Variants in NTNG2 observed in about 807,000 individuals in gnomAD.
The protein encoded by NTNG2 is netrin-G2.
Under a neutral mutation model 47.6 loss-of-function variants are expected in NTNG2, and 15 were observed. The ratio of observed to expected loss-of-function variants is 0.32; its 90% CI spans 0.21 to 0.49. The LOEUF (loss-of-function observed/expected upper bound fraction) is 0.49. Among genes scored for constraint, NTNG2 ranks in the 20% least tolerant of loss-of-function variants. The pLI is 0.99. For missense variants in NTNG2, 578 were observed against 764.6 expected (o/e 0.76, Z 2.88); for synonymous variants, 307 against 324.6 (o/e 0.95, Z 0.58).
intron 2 of NTNG2, among the ~76,000 whole-genome samples, chr9:132,178,812 TG>T (rs1836695268): frequency 6.7e-6 from 1 of 149,220 alleles, no homozygotes; most frequent in Non-Finnish European, 1.5e-5. Flanking sequence ...AAAAATTAGC[TG>T]GGTGTGGTGG....
chr9:132,179,130 T>C (rs1489903819), intron 2 of NTNG2, among the ~76,000 whole-genome samples: 1 of 152,166 alleles, frequency 6.6e-6, no homozygotes, highest in Non-Finnish European at 1.5e-5. Flanking sequence ...AGAGGTAGAC[T>C]GGAGCCATGA....
At chr9:132,169,360 CTTTGGAGGGCTGGCT>C (rs1191609595) in intron 2 of NTNG2, among the ~76,000 whole-genome samples, 12 of 152,072 alleles carry the variant, frequency 7.9e-5, no homozygotes, top group African/African-American at 2.7e-4. Flanking sequence ...GGAGGGCTGG[CTTTGGAGGGCTGGCT>C]TTTGGAGGGG....
intron 3 of NTNG2, among the ~76,000 whole-genome samples, chr9:132,209,967 G>A (rs1252918185): frequency 1.3e-5 from 2 of 151,974 alleles, no homozygotes; most frequent in East Asian, 3.9e-4. Context: ...CGGGGTGGGC[G>A]GAGAGCTGAC....
chr9:132,228,352 C>T (rs1840946757), intron 4 of NTNG2, among the ~76,000 whole-genome samples: 3 of 152,226 alleles, frequency 2.0e-5, no homozygotes, highest in African/African-American at 4.8e-5. Flanking sequence ...ACAAAGAGCA[C>T]TCCGGGGGCT....
At chr9:132,186,492 A>G (rs1427174214) in intron 2 of NTNG2, among the ~76,000 whole-genome samples, 1 of 152,202 alleles carries the variant, frequency 6.6e-6, no homozygotes, top group Non-Finnish European at 1.5e-5. Flanking sequence ...GGTTCGGCTG[A>G]CGGAGGAGAT....
chr9:132,229,313 C>T (rs139748501), intron 4 of NTNG2, among the ~76,000 whole-genome samples: 322 of 152,252 alleles, frequency 2.1e-3, no homozygotes, highest in African/African-American at 6.5e-3. Context: ...TAAGTGGCAC[C>T]GACACCCACG....
intron 3 of NTNG2, among the ~76,000 whole-genome samples, chr9:132,219,363 A>G (rs1419458052): frequency 6.6e-6 from 1 of 152,164 alleles, no homozygotes; most frequent in African/African-American, 2.4e-5. Context: ...ACTTGAGGTC[A>G]GGAGTTTAAG....
At position 132,220,702 on chromosome 9, in the gene NTNG2, C is replaced by G. The variant is rs374222976; in HGVS notation, c.858-6147C>G. On this transcript the variant is annotated intron_variant, in intron 3 of 7. Transcript: ENST00000393229. ...ACCTCAGGTAACCTGCCTGCCTCAG[C>G]CTCCGAAAGTGCTCAGATTACAGGC... Among the ~76,000 whole-genome samples, 4 of 152,102 alleles carry G rather than the reference C, an allele frequency of 2.6e-5. No homozygotes were observed. In the East Asian group the frequency reaches 5.8e-4, roughly 22 times the overall value.
intron 2 of NTNG2, among the ~76,000 whole-genome samples, chr9:132,167,494 T>A (rs1348685448): frequency 6.6e-6 from 1 of 152,226 alleles, no homozygotes; most frequent in Admixed American, 6.5e-5. Context: ...CAGCAGACGG[T>A]ACCATGAAGC....
At chr9:132,175,258 C>T (rs756181661) in intron 2 of NTNG2, among the ~76,000 whole-genome samples, 1 of 152,240 alleles carries the variant, frequency 6.6e-6, no homozygotes, top group Non-Finnish European at 1.5e-5. Flanking sequence ...TCAGAGCCCA[C>T]TGAGTGTAGG....
chr9:132,206,897 T>G (rs55757425), intron 3 of NTNG2, among the ~76,000 whole-genome samples: 12 of 151,624 alleles, frequency 7.9e-5, no homozygotes, highest in South Asian at 2.1e-4. Flanking sequence ...AGTTGGGGGG[T>G]GGTGGGGTCC....
Position 132,166,382 on chromosome 9 carries a change from G to C in NTNG2, c.-450G>C, listed in dbSNP as rs766301826. The C allele has an allele frequency of 8.0e-5, 15 of 187,550 alleles. No homozygotes were observed. Among genetic ancestry groups the C allele is most frequent in the Admixed American group, 3.7e-4 (7 of 18,828 alleles). 11.6% of individuals were successfully genotyped at this position (187,550 alleles called of 1,614,324 possible). On this transcript the variant is annotated 5_prime_UTR_variant, in exon 2 of 8. Coordinates refer to ENST00000393229, the MANE Select transcript of NTNG2 (RefSeq NM_032536.4). Reference sequence around the variant, plus strand: ...GTTGTTTTGCCGTTGTGTTGAGCACGTCACCCATTAAGAGCCCTTTAAAGA... The same window carrying C: ...GTTGTTTTGCCGTTGTGTTGAGCACCTCACCCATTAAGAGCCCTTTAAAGA...
chr9:132,177,646 G>GT (rs1317669579), intron 2 of NTNG2, among the ~76,000 whole-genome samples: 2 of 152,070 alleles, frequency 1.3e-5, no homozygotes, highest in Non-Finnish European at 2.9e-5. Flanking sequence ...AAATCTCTGG[G>GT]TTTTTTTGTT....
chr9:132,174,498 G>A (rs1399262417), intron 2 of NTNG2, among the ~76,000 whole-genome samples: 1 of 152,214 alleles, frequency 6.6e-6, no homozygotes, highest in East Asian at 1.9e-4. Context: ...AGTCCCTTGT[G>A]ACCCTGAGCC....
At chr9:132,165,371 A>C (rs1185633798) in intron 1 of NTNG2, among the ~76,000 whole-genome samples, 1 of 152,216 alleles carries the variant, frequency 6.6e-6, no homozygotes, top group Non-Finnish European at 1.5e-5. Context: ...AATAATCGTA[A>C]TTGTAACCCA....
intron 3 of NTNG2, among the ~76,000 whole-genome samples, chr9:132,206,162 T>C (rs1364184788): frequency 6.6e-6 from 1 of 151,966 alleles, no homozygotes; most frequent in Non-Finnish European, 1.5e-5. Context: ...GGCCTGGAGG[T>C]TCTTCTACTG....
chr9:132,180,686 C>G lies in NTNG2; in HGVS notation c.213+13642C>G, dbSNP rs188997202. 6.6e-6 allele frequency among the ~76,000 whole-genome samples: 1 copy of G among 152,038 alleles called. No individual in the cohort carries two copies. Among genetic ancestry groups the G allele is most frequent in the Non-Finnish European group, 1.5e-5 (1 of 68,026 alleles). On this transcript the variant is annotated intron_variant, in intron 2 of 7. Coordinates refer to ENST00000393229, the MANE Select transcript of NTNG2 (RefSeq NM_032536.4). The surrounding 1 kb of genome is among the most constrained non-coding windows in gnomAD (Gnocchi z 4.2). ...ACCCCCAGATTCTGCTTCAGGGAGACGGAGAGAGAGAGAAAGAGAAAGAAC... is the reference window on the plus strand; with the variant it reads ...ACCCCCAGATTCTGCTTCAGGGAGAGGGAGAGAGAGAGAAAGAGAAAGAAC...
intron 5 of NTNG2, chr9:132,233,898 A>G (rs955614601): frequency 2.0e-5 from 3 of 152,148 alleles, no homozygotes; most frequent in African/African-American, 7.2e-5. Flanking sequence ...TTCAGAAGAA[A>G]AAAGGGGCAG....
At chr9:132,223,980 C>T (rs1159600597) in intron 3 of NTNG2, among the ~76,000 whole-genome samples, 4 of 152,202 alleles carry the variant, frequency 2.6e-5, no homozygotes, top group African/African-American at 9.6e-5. Flanking sequence ...TCCTCATGCT[C>T]TTGCCTCTTT....
Sources: allele counts gnomAD v4.1 joint callset (sites outside exome capture counted in the v4.1 genomes callset), GRCh38; gene constraint gnomAD v4.1.1; non-coding constraint Gnocchi (gnomAD v3.1); transcripts MANE v1.5; gene names NCBI Gene and HGNC (gene_info 2026-07-23, HGNC 2026-07-21).